POLDIP3: variants seen among roughly 807,000 people sequenced by gnomAD.
POLDIP3 encodes DNA polymerase delta interacting protein 3.
POLDIP3 carries 14 observed loss-of-function variants against 45.1 expected under a neutral mutation model. The ratio of observed to expected loss-of-function variants is 0.31; its 90% confidence interval spans 0.20 to 0.49. POLDIP3 has a LOEUF of 0.49. POLDIP3 is among the 20% of genes least tolerant of loss of function. POLDIP3 has a pLI of 0.99. For synonymous variants in POLDIP3, 223 were observed against 205.2 expected, an observed-to-expected ratio of 1.09 and a Z score of -0.74; for missense variants, 511 against 538.8, an observed-to-expected ratio of 0.95 and a Z score of 0.51.
chr22:42,609,099 C>A (rs1471256809), intron 1 of POLDIP3, among the ~76,000 whole-genome samples: 1 of 152,176 alleles, frequency 6.6e-6, no homozygotes, highest in Non-Finnish European at 1.5e-5. Context: ...ATGTTACCCT[C>A]CCGCTTCTAG....
rs557277305 is a variant in POLDIP3, at chr22:42,608,775, C to A, written c.60-5615G>T. Among the ~76,000 whole-genome samples, 5 of 152,122 alleles carry A rather than the reference C, an allele frequency of 3.3e-5. No homozygotes were observed. The South Asian group carries it at 1.0e-3, about 32-fold the overall frequency. ...TTATCTATTTGAACAGCCTAAAAGG[C>A]ACATTTAGGGGTGGGAGTTAACGGT... On this transcript the variant is annotated intron_variant, in intron 1 of 8. Transcript: ENST00000252115.
chr22:42,610,701 G>A (rs929948419), intron 1 of POLDIP3, among the ~76,000 whole-genome samples: 1 of 152,046 alleles, frequency 6.6e-6, no homozygotes, highest in South Asian at 2.1e-4. Context: ...CCAGGAGTTC[G>A]AAACCAGCCT....
At chr22:42,598,294 C>G (rs539203957) in intron 4 of POLDIP3, among the ~76,000 whole-genome samples, 8 of 150,280 alleles carry the variant, frequency 5.3e-5, no homozygotes, top group Non-Finnish European at 1.2e-4. Flanking sequence ...CTCTGTCGCC[C>G]AGGCTGGAGT....
rs1205122462 is a variant in POLDIP3, at chr22:42,584,271, G to A, written c.*1520C>T. On this transcript the variant is annotated 3_prime_UTR_variant, in exon 9 of 9. Transcript: ENST00000252115. ...AAAAAGCAGCATTCTTTAAAGAACT[G>A]CAAGTGGAGCACCACCAGGCCCCTT... 1 of 153,980 alleles carries A rather than the reference G, an allele frequency of 6.5e-6. No homozygotes were observed. The highest frequency in any genetic ancestry group is 1.4e-5 in the Non-Finnish European group (1 of 69,018). 9.5% of individuals were successfully genotyped at this position (153,980 alleles called of 1,614,324 possible).
rs1601876791 is a variant in POLDIP3 at position 42,584,780 on chromosome 22, C to A, written c.*1011G>T. 3 of 393,910 alleles carry A rather than the reference C, an allele frequency of 7.6e-6. No individual in the cohort carries two copies. The highest frequency in any genetic ancestry group is 7.1e-5 in the East Asian group (1 of 14,064). The allele number at this position is 393,910 out of a possible 1,614,324, so 24.4% of individuals were successfully genotyped here. A position where few individuals can be genotyped will look rare whatever the true frequency, so the allele number is the denominator to read the frequency against. On this transcript the variant is annotated 3_prime_UTR_variant, in exon 9 of 9. Transcript: ENST00000252115. ...CTCACATAAGTGGGAACAAACAGTG[C>A]CCCTTGGTGGCAGCTGGATATATGC...
At position 42,599,707 on chromosome 22, in the gene POLDIP3, G is replaced by C; in HGVS notation, c.624C>G (p.Leu208=). 6.2e-7 allele frequency: 1 copy of C among 1,606,194 alleles called. No homozygotes were observed. The highest frequency in any genetic ancestry group is 1.1e-5 in the South Asian group (1 of 90,878). Residue 208 remains leucine, a synonymous_variant, in exon 4 of 9, where the codon CTC becomes CTG. Coordinates refer to ENST00000252115, the MANE Select transcript of POLDIP3 (RefSeq NM_032311.5). ...ACATGAAATGCCATACCATGTGGTG[G>C]AGAAAGCCGCCTGAGGCTGCAAACT... ...QMKFAASGGF[L]HHMAGLSSSK...
At chr22:42,586,294 G>C (rs932450309) in intron 8 of POLDIP3, among the ~76,000 whole-genome samples, 1 of 151,942 alleles carries the variant, frequency 6.6e-6, no homozygotes, top group Non-Finnish European at 1.5e-5. Context: ...TTACTGATGA[G>C]AAAATGGAGA....
intron 3 of POLDIP3, 44 bp downstream of exon 3, chr22:42,601,926 T>A (rs1186718507): frequency 1.2e-6 from 2 of 1,600,842 alleles, no homozygotes; most frequent in Admixed American, 3.4e-5. Context: ...ATGTTCGCTA[T>A]GTACACACAG....
At position 42,590,679 on chromosome 22, in the gene POLDIP3, A is replaced by C. The variant is rs1234717313; in HGVS notation, c.1021+1276T>G. Among the ~76,000 whole-genome samples the C allele has an allele frequency of 2.0e-5, 3 of 152,340 alleles. No homozygotes were observed. The East Asian group carries it at 5.8e-4, about 29-fold the overall frequency. On this transcript the variant is annotated intron_variant, in intron 7 of 8. Transcript: ENST00000252115. ...AAATAAACCTACAGAATGGGAGAAA[A>C]TATTGGTAAATCACTTATCTGATAA...
chr22:42,597,203 T>C (rs1045555002), intron 4 of POLDIP3, among the ~76,000 whole-genome samples: 4 of 152,186 alleles, frequency 2.6e-5, no homozygotes, highest in East Asian at 3.8e-4. Context: ...CCTGTATTAA[T>C]GTGTCTGAGG....
chr22:42,591,715 T>C (rs991284890), intron 7 of POLDIP3, among the ~76,000 whole-genome samples: 2 of 152,216 alleles, frequency 1.3e-5, no homozygotes, highest in African/African-American at 4.8e-5. Context: ...GAACCATCCA[T>C]GGAGAAATGC....
intron 1 of POLDIP3, among the ~76,000 whole-genome samples, chr22:42,610,820 T>A (rs1927074603): frequency 1.3e-5 from 2 of 152,124 alleles, no homozygotes; most frequent in South Asian, 2.1e-4. Context: ...GCAGGAAGAC[T>A]GCTTAAGCCC....
chr22:42,599,322 C>T (rs181737835), intron 4 of POLDIP3, among the ~76,000 whole-genome samples: 25 of 152,274 alleles, frequency 1.6e-4, no homozygotes, highest in Admixed American at 1.6e-3. Flanking sequence ...GCTCTATTCA[C>T]GCCGGGCGCA....
intron 1 of POLDIP3, among the ~76,000 whole-genome samples, chr22:42,611,243 GC>G (rs1298052277): frequency 2.6e-5 from 4 of 152,174 alleles, no homozygotes; most frequent in African/African-American, 9.7e-5. Flanking sequence ...GCTCACTGCA[GC>G]CTTGAACTCA....
Position 42,584,968 on chromosome 22 carries a change from C to T in POLDIP3, c.*823G>A, listed in dbSNP as rs1925202068. The T allele has an allele frequency of 2.2e-6, 1 of 456,184 alleles. No individual in the cohort carries two copies. The highest frequency in any genetic ancestry group is 4.4e-6 in the Non-Finnish European group (1 of 226,976). 28.3% of individuals were successfully genotyped at this position (456,184 alleles called of 1,614,324 possible). A position where few individuals can be genotyped will look rare whatever the true frequency, so the allele number is the denominator to read the frequency against. On this transcript the variant is annotated 3_prime_UTR_variant, in exon 9 of 9. Coordinates refer to ENST00000252115, the MANE Select transcript of POLDIP3 (RefSeq NM_032311.5). ...AACCAGAAGAGAGCTGGCGGCTACA[C>T]AAAACCAGGGTGTGGTTAAGTGCCA...
chr22:42,608,257 C>A (rs1239744694), intron 1 of POLDIP3, among the ~76,000 whole-genome samples: 1 of 128,230 alleles, frequency 7.8e-6, no homozygotes, highest in Non-Finnish European at 1.6e-5. Flanking sequence ...AACCTTACCC[C>A]CCCCCCCAAA....
In POLDIP3 at chr22:42,602,777, G is replaced by A; in HGVS notation, c.443C>T (p.Thr148Ile). 1 of 1,601,980 alleles carries A rather than the reference G, an allele frequency of 6.2e-7. No individual in the cohort carries two copies. Among genetic ancestry groups the A allele is most frequent in the South Asian group, 1.1e-5 (1 of 90,434 alleles). Reference sequence around the variant, plus strand: ...ACAAAAGCCACAACTCACCTGGATGGTTTTGGTGAGCTTCAGAGCAGGGGT... The same window carrying A: ...ACAAAAGCCACAACTCACCTGGATGATTTTGGTGAGCTTCAGAGCAGGGGT... ...TVTPALKLTK[T>I]IQVPQQKAMA... Residue 148 changes from threonine to isoleucine, a missense_variant, in exon 2 of 9, where the codon ACC becomes ATC. Coordinates refer to ENST00000252115, the MANE Select transcript of POLDIP3 (RefSeq NM_032311.5).
chr22:42,592,215 G>C, intron 6 of POLDIP3, 131 bp from the exon 7 acceptor site: 2 of 1,343,438 alleles, frequency 1.5e-6, no homozygotes, highest in South Asian at 1.3e-5. Flanking sequence ...CTGCGGGGAG[G>C]CTCCACGCGA....
intron 1 of POLDIP3, among the ~76,000 whole-genome samples, chr22:42,611,029 G>A (rs1927087086): frequency 6.6e-6 from 1 of 152,224 alleles, no homozygotes; most frequent in Non-Finnish European, 1.5e-5. Flanking sequence ...GTGCTGTGGT[G>A]AGGAAAGATA....
Sources: gnomAD v4.1 joint callset for allele counts (sites outside exome capture counted in the v4.1 genomes callset) on GRCh38, gnomAD v4.1.1 for gene constraint, MANE v1.5 for transcripts, NCBI Gene and HGNC (gene_info 2026-07-23, HGNC 2026-07-21) for gene names.